The following HTR1E variants were observed in gnomAD, a reference collection of about 807,000 sequenced individuals.
HTR1E encodes the protein 5-HT-1E.
A neutral mutation model predicts 3.4 loss-of-function variants in HTR1E; 3 were observed. The ratio of observed to expected loss-of-function variants is 0.89; its 90% CI spans 0.41 to 2.31. HTR1E has a LOEUF of 2.31. Ranked by LOEUF, HTR1E falls within the 30% of genes most tolerant of loss-of-function variation. The pLI is 0.05. For synonymous variants in HTR1E, 170 were observed against 182.8 expected (o/e 0.93, Z 0.56); for missense variants, 392 against 467.0 (o/e 0.84, Z 1.48).
At chr6:86,987,365 G>C (rs1023586621) in intron 1 of HTR1E, among the ~76,000 whole-genome samples, 22 of 152,134 alleles carry the variant, frequency 1.4e-4, no homozygotes, top group African/African-American at 5.1e-4. Flanking sequence ...TTAGCAGTGA[G>C]GCAGATAAGC....
chr6:86,952,450 C>A (rs573186702), intron 1 of HTR1E, among the ~76,000 whole-genome samples: 89 of 151,870 alleles, frequency 5.9e-4, no homozygotes, highest in Non-Finnish European at 6.5e-4. Context: ...ACAGACACCC[C>A]AAAAAAGTTG....
chr6:86,939,511 C>T (rs950289287), intron 1 of HTR1E, among the ~76,000 whole-genome samples: 1 of 152,186 alleles, frequency 6.6e-6, no homozygotes, highest in African/African-American at 2.4e-5. Flanking sequence ...TCAATTGAGA[C>T]TTCTAGTAAC....
intron 1 of HTR1E, among the ~76,000 whole-genome samples, chr6:87,007,424 G>A (rs1265547213): frequency 4.6e-5 from 7 of 152,156 alleles, no homozygotes; most frequent in Non-Finnish European, 7.3e-5. Flanking sequence ...TATCACAACA[G>A]GGTGACTATA....
Position 87,015,501 on chromosome 6 carries a change from C to T in HTR1E, c.167C>T (p.Pro56Leu). 7 of 1,614,010 alleles carry T rather than the reference C, an allele frequency of 4.3e-6. No homozygotes were observed. The highest frequency in any genetic ancestry group is 5.9e-6 in the Non-Finnish European group (7 of 1,179,956). ...AIGTTKKLHQ[P>L]ANYLICSLAV... ...GGCACCACCAAGAAGCTCCACCAGC[C>T]TGCCAACTACCTAATCTGTTCTCTG... The change falls in exon 2 of 2, where the codon CCT becomes CTT. Residue 56 changes from proline to leucine, a missense_variant. Physicochemically the swap from Pro to Leu is moderately conservative, Grantham distance 98. Around this residue, in one of 3 missense-constraint regions of HTR1E, gnomAD observed 189 missense variants for 258.0 expected, o/e 0.73. Coordinates refer to ENST00000305344, the MANE Select transcript of HTR1E (RefSeq NM_000865.3).
chr6:86,961,483 A>G (rs944729614), intron 1 of HTR1E, among the ~76,000 whole-genome samples: 1 of 152,232 alleles, frequency 6.6e-6, no homozygotes, highest in African/African-American at 2.4e-5. Context: ...CAAGCTTGGT[A>G]TAAAATTTTA....
chr6:86,989,170 C>T (rs1487597961), intron 1 of HTR1E, among the ~76,000 whole-genome samples: 1 of 152,136 alleles, frequency 6.6e-6, no homozygotes, highest in African/African-American at 2.4e-5. Flanking sequence ...CTGTCCCTAC[C>T]CCGACACCAC....
intron 1 of HTR1E, among the ~76,000 whole-genome samples, chr6:86,966,511 C>A (rs1190066268): frequency 6.6e-6 from 1 of 152,130 alleles, no homozygotes; most frequent in Non-Finnish European, 1.5e-5. Flanking sequence ...TTCCAAGATT[C>A]CCACAGCAAG....
At chr6:86,949,128 A>G (rs2127817237) in intron 1 of HTR1E, among the ~76,000 whole-genome samples, 1 of 152,282 alleles carries the variant, frequency 6.6e-6, no homozygotes, top group East Asian at 1.9e-4. Context: ...ATTGATGAAA[A>G]TGAGTTGTAG....
intron 1 of HTR1E, among the ~76,000 whole-genome samples, chr6:86,974,569 G>T (rs776129849): frequency 6.6e-6 from 1 of 152,166 alleles, no homozygotes; most frequent in Non-Finnish European, 1.5e-5. Flanking sequence ...CAGAAGTGAT[G>T]ATTTGTTCTT....
At chr6:86,952,490 C>T (rs1346468125) in intron 1 of HTR1E, among the ~76,000 whole-genome samples, 1 of 144,410 alleles carries the variant, frequency 6.9e-6, no homozygotes, top group African/African-American at 2.7e-5. Flanking sequence ...TACACATACA[C>T]ACACACAGAC....
chr6:86,994,777 CAGTCTG>C (rs1383082851), intron 1 of HTR1E, among the ~76,000 whole-genome samples: 1 of 151,966 alleles, frequency 6.6e-6, no homozygotes, highest in East Asian at 1.9e-4. Flanking sequence ...AAAATTGTAA[CAGTCTG>C]ATGTGGTTCT....
intron 1 of HTR1E, among the ~76,000 whole-genome samples, chr6:87,012,390 C>T (rs113821981): frequency 1.1e-4 from 16 of 152,156 alleles, no homozygotes; most frequent in African/African-American, 3.9e-4. Context: ...ATACCAGAGC[C>T]TACATGAGGG....
intron 1 of HTR1E, among the ~76,000 whole-genome samples, chr6:86,953,593 G>C (rs1237547503): frequency 6.6e-6 from 1 of 152,158 alleles, no homozygotes; most frequent in Admixed American, 6.5e-5. Context: ...AGTGAAGAAA[G>C]CAGCAAAGTC....
At chr6:86,997,352 A>G (rs1404760218) in intron 1 of HTR1E, among the ~76,000 whole-genome samples, 1 of 151,708 alleles carries the variant, frequency 6.6e-6, no homozygotes, top group African/African-American at 2.4e-5. Flanking sequence ...CGCTAAAATA[A>G]GACGAGAATA....
At chr6:86,955,428 C>T (rs7769149) in intron 1 of HTR1E, among the ~76,000 whole-genome samples, 16 of 152,286 alleles carry the variant, frequency 1.1e-4, no homozygotes, top group East Asian at 9.6e-4. Context: ...TAAAGTGGCA[C>T]GGGTCATTTC....
intron 1 of HTR1E, among the ~76,000 whole-genome samples, chr6:86,968,541 T>A (rs1767506030): frequency 6.6e-6 from 1 of 152,246 alleles, no homozygotes; most frequent in Non-Finnish European, 1.5e-5. Context: ...GGTAGTTTCA[T>A]TTGCATTCCT....
chr6:86,965,677 A>T (rs548752140), intron 1 of HTR1E, among the ~76,000 whole-genome samples: 1 of 151,740 alleles, frequency 6.6e-6, no homozygotes, highest in South Asian at 2.1e-4. Context: ...CACACACCAA[A>T]CTTGCTATAA....
chr6:86,975,985 T>G (rs1050914135), intron 1 of HTR1E, among the ~76,000 whole-genome samples: 3 of 151,812 alleles, frequency 2.0e-5, no homozygotes, highest in African/African-American at 7.3e-5. Context: ...CATGAAAGCT[T>G]ATTTCACTGT....
chr6:86,941,463 T>C (rs1562056773), intron 1 of HTR1E, among the ~76,000 whole-genome samples: 1 of 152,244 alleles, frequency 6.6e-6, no homozygotes, highest in Admixed American at 6.5e-5. Flanking sequence ...ATTGTTGTAT[T>C]CCCCTAAAAC....
Sources: gnomAD v4.1 joint callset for allele counts (sites outside exome capture counted in the v4.1 genomes callset) on GRCh38, gnomAD v4.1.1 for gene constraint, gnomAD v4.1.1 regional missense constraint, MANE v1.5 for transcripts, NCBI Gene and HGNC (gene_info 2026-07-23, HGNC 2026-07-21) for gene names.